Variants in ASIC2 observed in about 807,000 individuals in gnomAD.
ASIC2 encodes the protein acid-sensing ion channel 2.
A neutral mutation model predicts 57.3 loss-of-function variants in ASIC2; 25 were observed. The ratio of observed to expected loss-of-function variants is 0.44; its 90% confidence interval spans 0.32 to 0.61. The LOEUF (loss-of-function observed/expected upper bound fraction) is 0.61. ASIC2 is among the 20% of genes least tolerant of loss of function. ASIC2 has a pLI of 0.06. For synonymous variants in ASIC2, 319 were observed against 307.5 expected (o/e 1.04, Z -0.39); for missense variants, 641 against 738.1 (o/e 0.87, Z 1.52).
At chr17:33,660,172 CAGTG>C (rs1342251606) in intron 1 of ASIC2, among the ~76,000 whole-genome samples, 1 of 152,056 alleles carries the variant, frequency 6.6e-6, no homozygotes, top group Admixed American at 6.5e-5. Context: ...CTGGTTGAGT[CAGTG>C]AGTGAGTGAT....
In ASIC2 at chr17:33,711,173, C is replaced by T. The variant is rs563596576; in HGVS notation, c.555+444805G>A. On this transcript the variant is annotated intron_variant, in intron 1 of 9. Coordinates refer to the ASIC2 transcript ENST00000359872. ...TGGGTAACACAATTTGAAGGTGCAG[C>T]GGGGCACCTGTGCCTCTGCTGCACT... 9.2e-5 allele frequency among the ~76,000 whole-genome samples: 14 copies of T among 152,284 alleles called. 1 individual carries two copies. In the South Asian group the frequency reaches 1.0e-3, roughly 11 times the overall value.
At chr17:33,530,970 C>A (rs768048360) in intron 1 of ASIC2, among the ~76,000 whole-genome samples, 27 of 151,884 alleles carry the variant, frequency 1.8e-4, no homozygotes, top group Non-Finnish European at 2.9e-4. Context: ...CCCATTTTAC[C>A]AGTAGATAAG....
chr17:33,502,399 C>T (rs1477517829), intron 1 of ASIC2, among the ~76,000 whole-genome samples: 1 of 152,158 alleles, frequency 6.6e-6, no homozygotes, highest in Non-Finnish European at 1.5e-5. Flanking sequence ...CAATTGGATG[C>T]TCAACTTCTC....
intron 1 of ASIC2, among the ~76,000 whole-genome samples, chr17:33,744,804 A>G (rs1289710138): frequency 2.6e-5 from 4 of 152,226 alleles, no homozygotes; most frequent in African/African-American, 4.8e-5. Context: ...GTGCTTAAAT[A>G]AGTAAAGAAA....
chr17:33,370,558 C>T, intron 1 of ASIC2, among the ~76,000 whole-genome samples: 1 of 152,174 alleles, frequency 6.6e-6, no homozygotes, highest in East Asian at 1.9e-4. Flanking sequence ...TACTCAAAGA[C>T]CCTGGCCGTC....
chr17:33,324,033 C>T (rs1906970981), intron 1 of ASIC2, among the ~76,000 whole-genome samples: 2 of 151,662 alleles, frequency 1.3e-5, no homozygotes, highest in African/African-American at 2.4e-5. Flanking sequence ...CTTCTGTAAT[C>T]TTGGGTTAGA....
At chr17:33,541,924 G>A (rs1915424314) in intron 1 of ASIC2, among the ~76,000 whole-genome samples, 1 of 152,172 alleles carries the variant, frequency 6.6e-6, no homozygotes, top group Admixed American at 6.5e-5. Flanking sequence ...TACAAGCTGT[G>A]ATCTTAGGCA....
intron 1 of ASIC2, among the ~76,000 whole-genome samples, chr17:33,986,825 G>A (rs923287213): frequency 3.9e-5 from 6 of 152,126 alleles, no homozygotes; most frequent in Non-Finnish European, 8.8e-5. Context: ...CTGGGATTTG[G>A]ATAAAGGTCT....
At chr17:33,232,200 G>T (rs1241475291) in intron 1 of ASIC2, among the ~76,000 whole-genome samples, 1 of 152,104 alleles carries the variant, frequency 6.6e-6, no homozygotes, top group Non-Finnish European at 1.5e-5. Context: ...TAAGAGGAGG[G>T]AGAGAGAAAC....
At chr17:33,846,071 G>A (rs770391196) in intron 1 of ASIC2, among the ~76,000 whole-genome samples, 1 of 152,208 alleles carries the variant, frequency 6.6e-6, no homozygotes, top group African/African-American at 2.4e-5. Context: ...GGCCAGAAAT[G>A]TCCAAAGGGA....
At chr17:33,493,523 T>G (rs1913826691) in intron 1 of ASIC2, among the ~76,000 whole-genome samples, 1 of 152,190 alleles carries the variant, frequency 6.6e-6, no homozygotes. Flanking sequence ...TCCCTTGCTT[T>G]CTTTCTCTCA....
At chr17:34,020,789 C>T (rs551043812) in intron 1 of ASIC2, among the ~76,000 whole-genome samples, 5 of 152,266 alleles carry the variant, frequency 3.3e-5, no homozygotes, top group Admixed American at 6.5e-5. Context: ...CCGCCCGCAC[C>T]GTGATTTCAG....
At chr17:33,496,053 T>C (rs73983913) in intron 1 of ASIC2, among the ~76,000 whole-genome samples, 1,672 of 152,274 alleles carry the variant, frequency 0.011, 26 homozygotes, top group African/African-American at 0.038. Flanking sequence ...CCTACAAGCA[T>C]TGGCCAAGTT....
At chr17:33,941,831 C>T (rs2141979187) in intron 1 of ASIC2, among the ~76,000 whole-genome samples, 1 of 152,310 alleles carries the variant, frequency 6.6e-6, no homozygotes, top group Admixed American at 6.5e-5. Context: ...AAAGCACTTG[C>T]ACCAGGACAG....
intron 1 of ASIC2, among the ~76,000 whole-genome samples, chr17:33,357,000 G>T (rs1470978435): frequency 0.012 from 1 of 84 alleles, no homozygotes; most frequent in Non-Finnish European, 0.029. Context: ...TAGATCGGTG[G>T]TTCTCAAACT....
chr17:33,603,135 A>G (rs999074083), intron 1 of ASIC2, among the ~76,000 whole-genome samples: 2 of 152,210 alleles, frequency 1.3e-5, no homozygotes, highest in African/African-American at 4.8e-5. Context: ...TGATGAAGTC[A>G]CTGTTGTTAT....
intron 1 of ASIC2, among the ~76,000 whole-genome samples, chr17:34,048,686 C>T (rs1241654056): frequency 6.6e-6 from 1 of 152,210 alleles, no homozygotes; most frequent in African/African-American, 2.4e-5. Flanking sequence ...ACCATCACTC[C>T]TTTCTTTCCA....
At chr17:33,489,740 A>G (rs1323441952) in intron 1 of ASIC2, among the ~76,000 whole-genome samples, 1 of 152,238 alleles carries the variant, frequency 6.6e-6, no homozygotes, top group Non-Finnish European at 1.5e-5. Flanking sequence ...CTGACAAAGT[A>G]CTGTGAAGGC....
chr17:34,099,588 AAG>A (rs1362027451), intron 1 of ASIC2, among the ~76,000 whole-genome samples: 5 of 150,280 alleles, frequency 3.3e-5, no homozygotes, highest in Non-Finnish European at 7.4e-5. Flanking sequence ...GAAGGAAGGA[AAG>A]AAAGAGAAAA....
Sources: allele counts gnomAD v4.1 joint callset (sites outside exome capture counted in the v4.1 genomes callset), GRCh38; gene constraint gnomAD v4.1.1; transcripts MANE v1.5; gene names NCBI Gene and HGNC (gene_info 2026-07-23, HGNC 2026-07-21).